The following AKT3 variants were observed in gnomAD, a reference collection of about 807,000 sequenced individuals.
AKT3 encodes RAC-gamma serine/threonine-protein kinase.
Under a neutral mutation model 65.3 loss-of-function variants are expected in AKT3, and 15 were observed. That is an observed-to-expected ratio of 0.23 (90% CI 0.15 to 0.35). The LOEUF (loss-of-function observed/expected upper bound fraction) is 0.35, where lower values mean the gene tolerates loss of function less well. AKT3 is among the 10% of genes least tolerant of loss of function. The pLI, the probability that AKT3 is intolerant of heterozygous loss-of-function variation, is 1.00. For missense variants in AKT3, 243 were observed against 576.5 expected (o/e 0.42, Z 5.92); for synonymous variants, 206 against 183.8 (o/e 1.12, Z -0.98).
chr1:243,618,602 T>C (rs1013535713), intron 6 of AKT3, among the ~76,000 whole-genome samples: 1 of 152,126 alleles, frequency 6.6e-6, no homozygotes, highest in Non-Finnish European at 1.5e-5. Context: ...ATTTTTTTCA[T>C]GGAAAAGCTT....
At chr1:243,759,587 T>C (rs1399535843) in intron 2 of AKT3, among the ~76,000 whole-genome samples, 1 of 152,034 alleles carries the variant, frequency 6.6e-6, no homozygotes, top group Admixed American at 6.5e-5. Context: ...TGTTCCAACA[T>C]CCAGATTTCT....
chr1:243,832,311 A>G (rs915497834), intron 2 of AKT3, among the ~76,000 whole-genome samples: 1 of 152,074 alleles, frequency 6.6e-6, no homozygotes, highest in Non-Finnish European at 1.5e-5. Flanking sequence ...AATTTCTGAT[A>G]AATTTTTATA....
At chr1:243,765,742 A>T (rs1434381953) in intron 2 of AKT3, among the ~76,000 whole-genome samples, 2 of 152,158 alleles carry the variant, frequency 1.3e-5, no homozygotes, top group African/African-American at 4.8e-5. Flanking sequence ...ATCTAAAAAT[A>T]ATCTCTATTT....
At chr1:243,608,367 G>C (rs1677590658) in intron 8 of AKT3, among the ~76,000 whole-genome samples, 1 of 152,138 alleles carries the variant, frequency 6.6e-6, no homozygotes, top group Non-Finnish European at 1.5e-5. Context: ...CTAGAGCATA[G>C]ACTAAGAAGA....
chr1:243,683,911 G>A (rs1025132843), intron 3 of AKT3, among the ~76,000 whole-genome samples: 2 of 152,042 alleles, frequency 1.3e-5, no homozygotes, highest in Non-Finnish European at 2.9e-5. Context: ...AAATACTGAA[G>A]GATTTTATTA....
chr1:243,718,563 C>T (rs1399912717), intron 2 of AKT3, among the ~76,000 whole-genome samples: 1 of 152,022 alleles, frequency 6.6e-6, no homozygotes, highest in African/African-American at 2.4e-5. Flanking sequence ...GATTCTCCTG[C>T]CTCAGCCTCC....
At chr1:243,810,443 C>T (rs1241137548) in intron 2 of AKT3, among the ~76,000 whole-genome samples, 1 of 151,914 alleles carries the variant, frequency 6.6e-6, no homozygotes, top group Non-Finnish European at 1.5e-5. Flanking sequence ...GGATAAATTC[C>T]TCGACACATA....
intron 2 of AKT3, among the ~76,000 whole-genome samples, chr1:243,778,644 G>C (rs908728995): frequency 1.3e-5 from 2 of 152,070 alleles, no homozygotes; most frequent in African/African-American, 4.8e-5. Context: ...TCAAAACTAG[G>C]TTTAAGTTAT....
intron 12 of AKT3, among the ~76,000 whole-genome samples, chr1:243,528,615 G>T (rs1459368372): frequency 6.6e-6 from 1 of 152,164 alleles, no homozygotes; most frequent in Non-Finnish European, 1.5e-5. Flanking sequence ...TAGGCTTATG[G>T]CCTCCAGCTC....
At chr1:243,546,955 ACTTGT>A (rs1336230160) in intron 11 of AKT3, 1 of 145,818 alleles carries the variant, frequency 6.9e-6, no homozygotes, top group Non-Finnish European at 1.6e-5. Flanking sequence ...TCAGAACTTC[ACTTGT>A]CAGTTATGTG....
chr1:243,660,308 T>C (rs567037187), intron 4 of AKT3, among the ~76,000 whole-genome samples: 87 of 152,340 alleles, frequency 5.7e-4, no homozygotes, highest in African/African-American at 2.0e-3. Context: ...TTTGTATTTC[T>C]GTGGGATCTG....
At chr1:243,653,587 T>C (rs1422568731) in intron 4 of AKT3, among the ~76,000 whole-genome samples, 1 of 152,218 alleles carries the variant, frequency 6.6e-6, no homozygotes, top group Admixed American at 6.5e-5. Flanking sequence ...CACTTTTGAG[T>C]GTAGTGTTCT....
chr1:243,808,186 C>CT (rs1692875064), intron 2 of AKT3: 1 of 152,214 alleles, frequency 6.6e-6, no homozygotes, highest in Non-Finnish European at 1.5e-5. Flanking sequence ...AGGAGGATGA[C>CT]TTTGACGAGT....
chr1:243,629,781 G>C lies in AKT3; in HGVS notation c.561+7830C>G, dbSNP rs531980762. On this transcript the variant is annotated intron_variant, in intron 6 of 13. Transcript: ENST00000673466. ...CACTCCAGCCTGGGCGACTGAGTGA[G>C]ACTTTGTCTCCAAAAATAAAAATAA... 3.2e-4 allele frequency among the ~76,000 whole-genome samples: 48 copies of C among 152,278 alleles called. No homozygotes were observed. The South Asian group carries it at 1.0e-2, about 32-fold the overall frequency.
intron 2 of AKT3, among the ~76,000 whole-genome samples, chr1:243,760,554 T>G (rs1265519198): frequency 6.6e-6 from 1 of 152,192 alleles, no homozygotes; most frequent in Non-Finnish European, 1.5e-5. Context: ...ATAAAAAATC[T>G]GGGTGCTTTA....
chr1:243,758,907 T>C (rs376018095), intron 2 of AKT3, among the ~76,000 whole-genome samples: 2 of 152,162 alleles, frequency 1.3e-5, no homozygotes. Context: ...TAGAGTCCTA[T>C]AGATTCCTGA....
chr1:243,812,265 T>G (rs1693210970), intron 2 of AKT3, among the ~76,000 whole-genome samples: 1 of 152,124 alleles, frequency 6.6e-6, no homozygotes, highest in African/African-American at 2.4e-5. Flanking sequence ...ATTTTTGCAA[T>G]CTACTCATCT....
At chr1:243,550,673 C>T (rs1209428270) in intron 11 of AKT3, among the ~76,000 whole-genome samples, 2 of 151,024 alleles carry the variant, frequency 1.3e-5, no homozygotes, top group African/African-American at 2.4e-5. Flanking sequence ...CGGCTGGACA[C>T]GGTGGCTCAT....
chr1:243,513,657 C>T (rs1051833217), intron 12 of AKT3, among the ~76,000 whole-genome samples: 1 of 152,146 alleles, frequency 6.6e-6, no homozygotes, highest in African/African-American at 2.4e-5. Context: ...TTAATCTCTT[C>T]TTTTTATAAT....
Sources: gnomAD v4.1 joint callset for allele counts (sites outside exome capture counted in the v4.1 genomes callset) on GRCh38, gnomAD v4.1.1 for gene constraint, MANE v1.5 for transcripts, NCBI Gene and HGNC (gene_info 2026-07-23, HGNC 2026-07-21) for gene names.